The following GPR149 variants were observed in gnomAD, a reference collection of about 807,000 sequenced individuals.
The protein encoded by GPR149 is probable G protein-coupled receptor 149.
GPR149 carries 50 observed loss-of-function variants against 50.2 expected under a neutral mutation model. That is an observed-to-expected ratio of 1.00 (90% CI 0.79 to 1.26). GPR149 has a LOEUF of 1.26. GPR149 is among the 50% of genes most tolerant of loss of function. The pLI, the probability that GPR149 is intolerant of heterozygous loss-of-function variation, is 0.00. For missense variants in GPR149, 983 were observed against 895.4 expected, an observed-to-expected ratio of 1.10 and a Z score of -1.25; for synonymous variants, 405 against 358.2, an observed-to-expected ratio of 1.13 and a Z score of -1.48.
intron 2 of GPR149, among the ~76,000 whole-genome samples, chr3:154,422,669 A>T (rs1168517289): frequency 6.6e-6 from 1 of 151,800 alleles, no homozygotes; most frequent in South Asian, 2.1e-4. Context: ...GAAAAATAGA[A>T]TTTATTAGTA....
intron 3 of GPR149, among the ~76,000 whole-genome samples, chr3:154,390,561 G>A (rs1481617286): frequency 6.6e-6 from 1 of 151,954 alleles, no homozygotes; most frequent in Non-Finnish European, 1.5e-5. Flanking sequence ...AAGCTTAAGG[G>A]ACTTATAGGA....
rs530219539 is a variant in GPR149 at position 154,362,238 on chromosome 3, G to A, written c.1624-23967C>T. ...CGGGAGGCGGAGCCTGCAGTGAGCC[G>A]AGATCATGCCACTGCACTCCAGCCT... On this transcript the variant is annotated intron_variant, in intron 3 of 3. Coordinates refer to ENST00000389740, the MANE Select transcript of GPR149 (RefSeq NM_001038705.3). 4.4e-4 allele frequency among the ~76,000 whole-genome samples: 60 copies of A among 135,992 alleles called. No homozygotes were observed. The South Asian group carries it at 9.6e-3, about 22-fold the overall frequency. 89.2% of individuals were successfully genotyped at this position (135,992 alleles called of 152,430 possible). A position where few individuals can be genotyped will look rare whatever the true frequency, so the allele number is the denominator to read the frequency against.
chr3:154,337,741 A>G lies in GPR149; in HGVS notation c.2154T>C (p.Asn718=), dbSNP rs781668501. 1.2e-6 allele frequency: 2 copies of G among 1,610,636 alleles called. No individual in the cohort carries two copies. The highest frequency in any genetic ancestry group is 1.7e-6 in the Non-Finnish European group (2 of 1,178,508). The stretch of plus-strand genomic sequence containing the variant: ...CTTCCTCTCTTTTTCTGTAAGCTTT[A>G]TTTAACAACTGGATTTCCTCCTGGT... ...DGYQEEIQLL[N]KAYRKREEES... The change falls in exon 4 of 4, where the codon AAT becomes AAC. Residue 718 remains asparagine (N), a synonymous_variant. Transcript: ENST00000389740.
In GPR149 at chr3:154,340,773, G is replaced by A. The variant is rs181623187; in HGVS notation, c.1624-2502C>T. ...GTCTTGCTCTGTTACCCAGGCTGGA[G>A]CGCAATGGCGCCGTCTCGGCTCACT... On this transcript the variant is annotated intron_variant, in intron 3 of 3. Coordinates refer to ENST00000389740, the MANE Select transcript of GPR149 (RefSeq NM_001038705.3). Among the ~76,000 whole-genome samples, 364 of 152,308 alleles carry A rather than the reference G, an allele frequency of 2.4e-3. 3 individuals are homozygous for A. Among genetic ancestry groups the A allele is most frequent in the African/African-American group, 8.4e-3 (350 of 41,580 alleles).
chr3:154,359,642 T>C (rs1714334497), intron 3 of GPR149, among the ~76,000 whole-genome samples: 1 of 152,182 alleles, frequency 6.6e-6, no homozygotes, highest in African/African-American at 2.4e-5. Flanking sequence ...TGGCTAGACA[T>C]ACTTGGTTTC....
intron 3 of GPR149, among the ~76,000 whole-genome samples, chr3:154,405,549 T>C (rs1162724766): frequency 7.1e-6 from 1 of 140,080 alleles, no homozygotes; most frequent in Admixed American, 7.9e-5. Context: ...GACTGCACCA[T>C]TGCACTCCAG....
chr3:154,349,884 T>C (rs1410608471), intron 3 of GPR149, among the ~76,000 whole-genome samples: 2 of 152,172 alleles, frequency 1.3e-5, no homozygotes, highest in African/African-American at 2.4e-5. Flanking sequence ...AAGAATTATG[T>C]ACAATGATCA....
chr3:154,420,909 G>T, intron 3 of GPR149, 130 bp downstream of exon 3: 1 of 662,034 alleles, frequency 1.5e-6, no homozygotes. Flanking sequence ...TAAATAGCAT[G>T]GAAATTAATT....
At chr3:154,380,935 T>C (rs1232293549) in intron 3 of GPR149, among the ~76,000 whole-genome samples, 1 of 152,212 alleles carries the variant, frequency 6.6e-6, no homozygotes, top group East Asian at 1.9e-4. Context: ...GCAGATATTA[T>C]GCTCAAAACC....
intron 2 of GPR149, 45 bp downstream of exon 2, chr3:154,427,471 A>G: frequency 6.6e-7 from 1 of 1,526,498 alleles, no homozygotes; most frequent in Non-Finnish European, 8.8e-7. Flanking sequence ...TCTGAAAGTC[A>G]CCTAATGCAT....
At chr3:154,411,438 C>T (rs532521994) in intron 3 of GPR149, among the ~76,000 whole-genome samples, 3 of 152,038 alleles carry the variant, frequency 2.0e-5, no homozygotes, top group African/African-American at 7.2e-5. Flanking sequence ...TAAATAAAAT[C>T]TGTAGACCAT....
chr3:154,423,742 T>C (rs927080358), intron 2 of GPR149, among the ~76,000 whole-genome samples: 1 of 151,858 alleles, frequency 6.6e-6, no homozygotes, highest in Non-Finnish European at 1.5e-5. Flanking sequence ...AACTAATCAT[T>C]TTTAAGTTCT....
intron 3 of GPR149, among the ~76,000 whole-genome samples, chr3:154,412,820 A>G (rs1711873788): frequency 6.6e-6 from 1 of 152,122 alleles, no homozygotes; most frequent in South Asian, 2.1e-4. Flanking sequence ...TTCTTGTATA[A>G]CCAAAAAAGA....
Position 154,429,747 on chromosome 3 carries a change from G to T in GPR149, c.-132C>A. On this transcript the variant is annotated 5_prime_UTR_variant, in exon 1 of 4. Coordinates refer to ENST00000389740, the MANE Select transcript of GPR149 (RefSeq NM_001038705.3). Reference sequence around the variant, plus strand: ...TCTAGATGTTCTCCTTGTCAGTCCTGCAGAAAATGGTCAGCCATGTCTCCT... The same window carrying T: ...TCTAGATGTTCTCCTTGTCAGTCCTTCAGAAAATGGTCAGCCATGTCTCCT... The T allele has an allele frequency of 1.4e-6, 1 of 737,764 alleles. No homozygotes were observed. The highest frequency in any genetic ancestry group is 2.2e-6 in the Non-Finnish European group (1 of 446,700). 45.7% of individuals were successfully genotyped at this position (737,764 alleles called of 1,614,324 possible).
At chr3:154,376,174 T>C (rs1055380248) in intron 3 of GPR149, among the ~76,000 whole-genome samples, 1 of 152,150 alleles carries the variant, frequency 6.6e-6, no homozygotes, top group Non-Finnish European at 1.5e-5. Context: ...GAAACCCTAG[T>C]TAATACAAAA....
intron 3 of GPR149, among the ~76,000 whole-genome samples, chr3:154,355,317 C>T (rs539136644): frequency 6.6e-4 from 101 of 152,342 alleles, no homozygotes; most frequent in Admixed American, 3.7e-3. Context: ...TGAGCCACCA[C>T]GCCCGGCCAC....
At position 154,429,201 on chromosome 3, in the gene GPR149, C is replaced by T; in HGVS notation, c.415G>A (p.Gly139Arg). 6.2e-7 allele frequency: 1 copy of T among 1,614,144 alleles called. No homozygotes were observed. Among genetic ancestry groups the T allele is most frequent in the Non-Finnish European group, 8.5e-7 (1 of 1,180,036 alleles). The change falls in exon 1 of 4, where the codon GGG becomes AGG. Residue 139 changes from glycine (G) to arginine (R), a missense_variant. Gly to Arg is a moderately radical substitution (Grantham distance 125). Transcript: ENST00000389740. ...GATCTTCTGGAGGCTGTCTGGCTCC[C>T]CACACCTCTGTGCATCGTATAAAAG... ...YNFYTMHRGV[G>R]SQTASRRSGQ...
At position 154,429,467 on chromosome 3, in the gene GPR149, C is replaced by T; in HGVS notation, c.149G>A (p.Gly50Asp). The change falls in exon 1 of 4, where the codon GGC becomes GAC. Residue 50 changes from glycine (G) to aspartate (D), a missense_variant. Coordinates refer to ENST00000389740, the MANE Select transcript of GPR149 (RefSeq NM_001038705.3). Reference protein sequence around the residue: ...TCLMTFAALVGSIYSLISLLK... With the variant: ...TCLMTFAALVDSIYSLISLLK... ...CAGGGAAATTAGTGAATAAATGCTG[C>T]CCACCAAGGCTGCAAAAGTCATGAG... 6.2e-7 allele frequency: 1 copy of T among 1,614,108 alleles called. No homozygotes were observed. Among genetic ancestry groups the T allele is most frequent in the Non-Finnish European group, 8.5e-7 (1 of 1,180,020 alleles).
chr3:154,366,470 T>G (rs957772955), intron 3 of GPR149, among the ~76,000 whole-genome samples: 1 of 152,246 alleles, frequency 6.6e-6, no homozygotes, highest in African/African-American at 2.4e-5. Flanking sequence ...CAGCCAGGAC[T>G]TTCCCTGATT....
Sources: gnomAD v4.1 joint callset for allele counts (sites outside exome capture counted in the v4.1 genomes callset) on GRCh38, gnomAD v4.1.1 for gene constraint, MANE v1.5 for transcripts, NCBI Gene and HGNC (gene_info 2026-07-23, HGNC 2026-07-21) for gene names.